Variants in CDH8 observed in about 807,000 individuals in gnomAD.
CDH8 encodes the protein cadherin-8.
Under a neutral mutation model 68.1 loss-of-function variants are expected in CDH8, and 17 were observed. The observed-to-expected ratio is 0.25, with a 90% CI of 0.17 to 0.37. The LOEUF (loss-of-function observed/expected upper bound fraction) is 0.37. CDH8 is among the 10% of genes least tolerant of loss of function. CDH8 has a pLI of 1.00. For missense variants in CDH8, 763 were observed against 999.3 expected (o/e 0.76, Z 3.19); for synonymous variants, 372 against 365.1 (o/e 1.02, Z -0.21).
chr16:61,809,534 G>A (rs1174547056), intron 7 of CDH8, among the ~76,000 whole-genome samples: 3 of 152,106 alleles, frequency 2.0e-5, no homozygotes, highest in Non-Finnish European at 4.4e-5. Flanking sequence ...AACCACCATG[G>A]CACAAGTATA....
intron 7 of CDH8, among the ~76,000 whole-genome samples, chr16:61,815,755 C>T (rs1962059091): frequency 6.6e-6 from 1 of 152,050 alleles, no homozygotes; most frequent in South Asian, 2.1e-4. Context: ...TCATTTCCTC[C>T]CTTCACATTC....
At chr16:61,867,134 T>C (rs1176931088) in intron 3 of CDH8, among the ~76,000 whole-genome samples, 2 of 152,180 alleles carry the variant, frequency 1.3e-5, no homozygotes, top group Non-Finnish European at 2.9e-5. Flanking sequence ...TGAAAAAGGT[T>C]TAATTTCACA....
chr16:61,901,841 AG>A (rs1326685800), intron 2 of CDH8, among the ~76,000 whole-genome samples: 1 of 152,190 alleles, frequency 6.6e-6, no homozygotes, highest in Non-Finnish European at 1.5e-5. Context: ...CTGTATGCCC[AG>A]GACTAGGTGA....
At chr16:61,848,216 G>A (rs1046303807) in intron 4 of CDH8, among the ~76,000 whole-genome samples, 4 of 152,064 alleles carry the variant, frequency 2.6e-5, no homozygotes, top group Non-Finnish European at 5.9e-5. Flanking sequence ...GAATGCCACT[G>A]GGGAATACAT....
intron 2 of CDH8, among the ~76,000 whole-genome samples, chr16:62,010,988 C>A: frequency 6.6e-6 from 1 of 151,482 alleles, no homozygotes; most frequent in African/African-American, 2.4e-5. Flanking sequence ...TTTTCATGTC[C>A]CTGGATAATG....
chr16:61,777,503 G>A (rs2142991506), intron 8 of CDH8, among the ~76,000 whole-genome samples: 1 of 152,162 alleles, frequency 6.6e-6, no homozygotes, highest in Non-Finnish European at 1.5e-5. Context: ...TTTGAGCTTA[G>A]GACTGGGAGG....
At chr16:61,823,195 CT>C (rs1962253922) in intron 5 of CDH8, among the ~76,000 whole-genome samples, 1 of 151,800 alleles carries the variant, frequency 6.6e-6, no homozygotes, top group African/African-American at 2.4e-5. Context: ...CTCCTCTATC[CT>C]TTCTAGCTTG....
intron 9 of CDH8, among the ~76,000 whole-genome samples, chr16:61,715,611 T>C (rs1354258554): frequency 2.6e-5 from 4 of 151,694 alleles, no homozygotes; most frequent in Non-Finnish European, 5.9e-5. Context: ...GGCATTTTGA[T>C]AAATCTTTTA....
chr16:61,647,500 G>T lies in CDH8; in HGVS notation c.*6108C>A. On this transcript the variant is annotated 3_prime_UTR_variant, in exon 12 of 12. Transcript: ENST00000577390. Reference sequence around the variant, plus strand: ...GGGTGATCCCAGTGACTCCTAAATTGTCATGTTCCATCTTAGAGCATAATT... The same window carrying T: ...GGGTGATCCCAGTGACTCCTAAATTTTCATGTTCCATCTTAGAGCATAATT... 3.4e-6 allele frequency: 1 copy of T among 294,646 alleles called. No homozygotes were observed. Among genetic ancestry groups the T allele is most frequent in the Non-Finnish European group, 6.3e-6 (1 of 159,328 alleles). 18.3% of individuals were successfully genotyped at this position (294,646 alleles called of 1,614,324 possible).
intron 2 of CDH8, among the ~76,000 whole-genome samples, chr16:61,910,567 C>A (rs1174064614): frequency 6.6e-6 from 1 of 151,998 alleles, no homozygotes; most frequent in East Asian, 1.9e-4. Flanking sequence ...TTAACCTCTC[C>A]AAGACTAGTT....
chr16:61,814,310 G>A (rs530792858), intron 7 of CDH8, among the ~76,000 whole-genome samples: 1 of 152,256 alleles, frequency 6.6e-6, no homozygotes, highest in East Asian at 1.9e-4. Context: ...GAAAGACATA[G>A]TATTGCAGAA....
intron 10 of CDH8, among the ~76,000 whole-genome samples, chr16:61,684,440 A>T (rs1365981187): frequency 1.3e-5 from 2 of 152,044 alleles, no homozygotes; most frequent in Non-Finnish European, 2.9e-5. Context: ...AAAAATCCAG[A>T]TAGAGCTTAA....
chr16:61,995,126 G>A (rs1200520466), intron 2 of CDH8, among the ~76,000 whole-genome samples: 1 of 152,114 alleles, frequency 6.6e-6, no homozygotes, highest in Non-Finnish European at 1.5e-5. Context: ...AGAGAGAACA[G>A]TCCTAGTATA....
chr16:62,017,994 C>A (rs551849985), intron 2 of CDH8, among the ~76,000 whole-genome samples: 1 of 152,156 alleles, frequency 6.6e-6, no homozygotes, highest in Non-Finnish European at 1.5e-5. Context: ...CAAACACATA[C>A]ACACACACAT....
intron 2 of CDH8, among the ~76,000 whole-genome samples, chr16:61,970,595 T>C (rs1239283968): frequency 1.3e-5 from 2 of 152,258 alleles, no homozygotes; most frequent in Non-Finnish European, 2.9e-5. Context: ...TATTCTGCTC[T>C]CATGACACAG....
chr16:61,764,885 T>C (rs989166353), intron 8 of CDH8, among the ~76,000 whole-genome samples: 3 of 152,030 alleles, frequency 2.0e-5, no homozygotes, highest in Non-Finnish European at 2.9e-5. Flanking sequence ...CTGGAGTGGT[T>C]TGGTCAAGCT....
intron 10 of CDH8, among the ~76,000 whole-genome samples, chr16:61,677,443 T>C (rs1277851889): frequency 1.3e-5 from 2 of 151,776 alleles, no homozygotes; most frequent in Admixed American, 1.3e-4. Flanking sequence ...TCCTAAAAAG[T>C]CCCCAACTCA....
At chr16:61,878,800 G>A (rs1963511247) in intron 3 of CDH8, among the ~76,000 whole-genome samples, 1 of 152,160 alleles carries the variant, frequency 6.6e-6, no homozygotes, top group Non-Finnish European at 1.5e-5. Flanking sequence ...CAAATAATCA[G>A]TAGGATGTGC....
chr16:61,799,561 A>C (rs1271908494), intron 7 of CDH8, among the ~76,000 whole-genome samples: 1 of 152,120 alleles, frequency 6.6e-6, no homozygotes, highest in African/African-American at 2.4e-5. Context: ...TAAAGTTAGT[A>C]AGAGAAATAT....
Sources: allele counts gnomAD v4.1 joint callset (sites outside exome capture counted in the v4.1 genomes callset), GRCh38; gene constraint gnomAD v4.1.1; transcripts MANE v1.5; gene names NCBI Gene and HGNC (gene_info 2026-07-23, HGNC 2026-07-21).